Variants in PCDH15 observed in about 807,000 individuals in gnomAD.
The protein encoded by PCDH15 is protocadherin-15.
A neutral mutation model predicts 178.5 loss-of-function variants in PCDH15; 129 were observed. That is an observed-to-expected ratio of 0.72 (90% CI 0.63 to 0.84). The LOEUF (loss-of-function observed/expected upper bound fraction) is 0.84, where lower values mean the gene tolerates loss of function less well. Among genes scored for constraint, PCDH15 ranks in the 40% least tolerant of loss-of-function variants. PCDH15 has a pLI of 0.00. For synonymous variants in PCDH15, 800 were observed against 732.0 expected (o/e 1.09, Z -1.50); for missense variants, 2,230 against 2,099.9 (o/e 1.06, Z -1.21).
chr10:55,074,931 G>C (rs1352014384), intron 2 of PCDH15, among the ~76,000 whole-genome samples: 1 of 151,994 alleles, frequency 6.6e-6, no homozygotes, highest in Non-Finnish European at 1.5e-5. Context: ...GTTTCCTATG[G>C]ATGGCTAGCC....
At position 54,219,118 on chromosome 10, in the gene PCDH15, A is replaced by C. The variant is rs533009900; in HGVS notation, c.986-5070T>G. ...AAAAAAAAAAAAAAACAAAAAAAAA[A>C]CAAAAAATTAGCCGGGCGTGGTGGT... is the stretch of plus-strand genomic sequence containing the variant. On this transcript the variant is annotated intron_variant, in intron 9 of 37. Transcript: ENST00000644397. Among the ~76,000 whole-genome samples, 397 of 142,592 alleles carry C rather than the reference A, an allele frequency of 2.8e-3. 7 individuals carry two copies. The highest frequency in any genetic ancestry group is 0.016 in the East Asian group (82 of 5,018). The allele number at this position is 142,592 out of a possible 152,430, so 93.5% of individuals were successfully genotyped here.
chr10:54,592,436 A>G (rs2133951241), intron 2 of PCDH15, among the ~76,000 whole-genome samples: 1 of 151,876 alleles, frequency 6.6e-6, no homozygotes, highest in African/African-American at 2.4e-5. Context: ...GTGCAACTTG[A>G]TTTTTGTATA....
chr10:54,250,473 C>A (rs1004875124), intron 8 of PCDH15, among the ~76,000 whole-genome samples: 60 of 151,468 alleles, frequency 4.0e-4, no homozygotes, highest in African/African-American at 9.7e-4. Flanking sequence ...TTAGTAGAGA[C>A]AGGGTTTCAT....
chr10:53,892,146 T>C (rs1457051314), intron 26 of PCDH15, among the ~76,000 whole-genome samples: 2 of 148,758 alleles, frequency 1.3e-5, no homozygotes, highest in Non-Finnish European at 3.0e-5. Flanking sequence ...TGCCTCAGCC[T>C]CTTGAGTAGC....
At chr10:54,647,880 T>G (rs1352339505) in intron 2 of PCDH15, among the ~76,000 whole-genome samples, 2 of 152,036 alleles carry the variant, frequency 1.3e-5, no homozygotes, top group African/African-American at 4.8e-5. Flanking sequence ...TAGGTCCTGT[T>G]TCTTACTCCT....
intron 2 of PCDH15, among the ~76,000 whole-genome samples, chr10:55,036,802 T>C (rs1179503487): frequency 1.3e-5 from 2 of 152,200 alleles, no homozygotes; most frequent in African/African-American, 2.4e-5. Context: ...AACAAGCATA[T>C]TGTTAATGAA....
At chr10:55,203,860 T>C (rs1840319941) in intron 1 of PCDH15, among the ~76,000 whole-genome samples, 2 of 151,966 alleles carry the variant, frequency 1.3e-5, no homozygotes, top group Non-Finnish European at 2.9e-5. Flanking sequence ...CCCAAATTTC[T>C]CCTTTCTAAA....
chr10:53,984,694 G>A (rs1343952524), intron 21 of PCDH15, among the ~76,000 whole-genome samples: 1 of 151,914 alleles, frequency 6.6e-6, no homozygotes, highest in Non-Finnish European at 1.5e-5. Context: ...GGATCTTCAA[G>A]GCATATTTGT....
At chr10:55,542,523 C>T (rs1841788914) in intron 2 of PCDH15, among the ~76,000 whole-genome samples, 1 of 150,054 alleles carries the variant, frequency 6.7e-6, no homozygotes, top group Non-Finnish European at 1.5e-5. Context: ...TATATATGTA[C>T]ACATGTACAT....
chr10:53,945,674 G>GA (rs1564831499), intron 23 of PCDH15, among the ~76,000 whole-genome samples: 1 of 151,410 alleles, frequency 6.6e-6, no homozygotes, highest in African/African-American at 2.4e-5. Context: ...AGAACATGCA[G>GA]TTTTTTTCTC....
At chr10:55,134,333 A>G (rs1167054855) in intron 2 of PCDH15, among the ~76,000 whole-genome samples, 1 of 152,106 alleles carries the variant, frequency 6.6e-6, no homozygotes, top group African/African-American at 2.4e-5. Flanking sequence ...CCCAAGTATT[A>G]TTTTCTCAGT....
chr10:54,475,918 A>G (rs2078242602), intron 3 of PCDH15, among the ~76,000 whole-genome samples: 1 of 150,634 alleles, frequency 6.6e-6, no homozygotes, highest in Admixed American at 6.6e-5. Flanking sequence ...TAAAGCTTGT[A>G]GCATAGGTCC....
At chr10:54,622,690 A>ATTTT (rs2093415960) in intron 2 of PCDH15, among the ~76,000 whole-genome samples, 1 of 87,300 alleles carries the variant, frequency 1.1e-5, no homozygotes, top group African/African-American at 4.9e-5. Flanking sequence ...TATATTATAT[A>ATTTT]ATATATATTT....
At chr10:54,719,341 A>G (rs1213846392) in intron 1 of PCDH15, among the ~76,000 whole-genome samples, 2 of 152,102 alleles carry the variant, frequency 1.3e-5, no homozygotes, top group African/African-American at 4.8e-5. Context: ...TTAAAAACTT[A>G]ACAAAGCCTT....
chr10:54,725,317 A>G (rs1029008405), intron 1 of PCDH15, among the ~76,000 whole-genome samples: 1 of 150,694 alleles, frequency 6.6e-6, no homozygotes, highest in Non-Finnish European at 1.5e-5. Context: ...TAAATGAATG[A>G]ATATTTAAAT....
At chr10:55,452,464 T>A (rs1212062319) in intron 2 of PCDH15, among the ~76,000 whole-genome samples, 1 of 152,164 alleles carries the variant, frequency 6.6e-6, no homozygotes, top group Non-Finnish European at 1.5e-5. Context: ...TGTTCCAATT[T>A]TGTTACAGGA....
chr10:55,198,525 C>T (rs947447302), intron 1 of PCDH15, among the ~76,000 whole-genome samples: 2 of 152,178 alleles, frequency 1.3e-5, no homozygotes, highest in Admixed American at 6.5e-5. Context: ...CTCGCCCTGT[C>T]GCCCAAGCTG....
chr10:55,565,048 T>C (rs1842273910), intron 2 of PCDH15, among the ~76,000 whole-genome samples: 2 of 151,742 alleles, frequency 1.3e-5, no homozygotes, highest in Admixed American at 1.3e-4. Flanking sequence ...CAACAGAATA[T>C]GCATTCTTCT....
At chr10:54,146,429 T>C (rs2133240583) in intron 14 of PCDH15, among the ~76,000 whole-genome samples, 1 of 152,052 alleles carries the variant, frequency 6.6e-6, no homozygotes, top group African/African-American at 2.4e-5. Context: ...CAAACAGTAG[T>C]GCTTTATTCA....
Sources: gnomAD v4.1 joint callset for allele counts (sites outside exome capture counted in the v4.1 genomes callset) on GRCh38, gnomAD v4.1.1 for gene constraint, MANE v1.5 for transcripts, NCBI Gene and HGNC (gene_info 2026-07-23, HGNC 2026-07-21) for gene names.